ITGA2: variants seen among roughly 807,000 people sequenced by gnomAD.
ITGA2 encodes the protein integrin alpha-2.
Under a neutral mutation model 146.3 loss-of-function variants are expected in ITGA2, and 101 were observed. The observed-to-expected ratio is 0.69, with a 90% confidence interval of 0.59 to 0.81. The LOEUF is 0.81. ITGA2 is among the 40% of genes least tolerant of loss of function. The pLI is 0.00. For synonymous variants in ITGA2, 477 were observed against 487.1 expected (o/e 0.98, Z 0.27); for missense variants, 1,281 against 1,402.7 (o/e 0.91, Z 1.39).
chr5:53,041,198 C>T (rs573762639), intron 2 of ITGA2, among the ~76,000 whole-genome samples: 1 of 152,180 alleles, frequency 6.6e-6, no homozygotes, highest in South Asian at 2.1e-4. Context: ...TTCTAAAGAT[C>T]AAACTGATAC....
chr5:53,064,015 C>A (rs966026573), intron 13 of ITGA2, among the ~76,000 whole-genome samples: 1 of 151,798 alleles, frequency 6.6e-6, no homozygotes, highest in African/African-American at 2.4e-5. Context: ...CTTGTGAAGT[C>A]ATGAAATATT....
At chr5:53,026,971 G>T (rs931778707) in intron 2 of ITGA2, 103 bp downstream of exon 2, 6 of 1,000,712 alleles carry the variant, frequency 6.0e-6, no homozygotes, top group East Asian at 2.6e-5. Flanking sequence ...TACTATAAAT[G>T]GGTGGCCCTC....
chr5:53,044,016 T>A (rs1408194272), intron 3 of ITGA2, among the ~76,000 whole-genome samples: 1 of 151,978 alleles, frequency 6.6e-6, no homozygotes, highest in African/African-American at 2.4e-5. Context: ...GTCTCACGCC[T>A]GTAATCCTAG....
chr5:53,067,004 A>G (rs969534005), intron 15 of ITGA2, 114 bp from the exon 16 acceptor site: 2 of 1,035,258 alleles, frequency 1.9e-6, no homozygotes, highest in Non-Finnish European at 2.9e-6. Context: ...GTGCTTTGAT[A>G]GAGAGTAGAG....
intron 7 of ITGA2, among the ~76,000 whole-genome samples, 177 bp downstream of exon 7, chr5:53,051,736 G>C (rs955692799): frequency 1.3e-5 from 2 of 152,024 alleles, no homozygotes; most frequent in Non-Finnish European, 2.9e-5. Context: ...ACTTTGAGAA[G>C]GCAGCTGGGA....
chr5:53,069,332 G>A, intron 16 of ITGA2, among the ~76,000 whole-genome samples: 1 of 151,796 alleles, frequency 6.6e-6, no homozygotes, highest in East Asian at 1.9e-4. Context: ...GGAAACAGAG[G>A]TTCAAAGAGG....
intron 1 of ITGA2, among the ~76,000 whole-genome samples, chr5:53,024,571 G>A (rs1452763157): frequency 6.6e-6 from 1 of 152,148 alleles, no homozygotes. Flanking sequence ...GATAATTTTG[G>A]ATAATTGCTC....
intron 1 of ITGA2, among the ~76,000 whole-genome samples, chr5:53,007,474 A>C (rs1396783639): frequency 2.6e-5 from 4 of 152,154 alleles, no homozygotes; most frequent in African/African-American, 4.8e-5. Flanking sequence ...AAATACACAC[A>C]AAATATGCTA....
intron 15 of ITGA2, among the ~76,000 whole-genome samples, chr5:53,066,317 A>C (rs184166043): frequency 6.6e-6 from 1 of 152,042 alleles, no homozygotes. Context: ...ATGAGAGTGC[A>C]TTCAAAAATA....
chr5:53,049,882 G>A (rs1031288299), intron 6 of ITGA2, among the ~76,000 whole-genome samples: 12 of 152,064 alleles, frequency 7.9e-5, no homozygotes, highest in African/African-American at 2.9e-4. Context: ...ATGCTTTCCA[G>A]CTATCTTTAT....
chr5:53,066,030 G>A, intron 15 of ITGA2, 53 bp downstream of exon 15: 1 of 1,537,502 alleles, frequency 6.5e-7, no homozygotes, highest in Non-Finnish European at 9.0e-7. Context: ...TGCTAAGAAA[G>A]CAGAACAGAT....
intron 29 of ITGA2, 38 bp downstream of exon 29, chr5:53,090,100 GA>G (rs1331391018): frequency 8.2e-7 from 1 of 1,219,944 alleles, no homozygotes. Context: ...CAGGGCTCCT[GA>G]AGGCCAGCCT....
chr5:53,071,962 T>A lies in ITGA2; in HGVS notation c.2260T>A (p.Leu754Met). The A allele has an allele frequency of 6.2e-7, 1 of 1,612,316 alleles. No individual in the cohort carries two copies. The highest frequency in any genetic ancestry group is 8.5e-7 in the Non-Finnish European group (1 of 1,178,864). ...GGAGCCCTCTGATGTTGTCAACTCT[T>A]TGGATTTGCGTGTGGACATCAGTCT... ...IQEPSDVVNS[L>M]DLRVDISLEN... is the part of the protein sequence containing the mutation. Residue 754 changes from leucine to methionine, a missense_variant, in exon 18 of 30, where the codon TTG (leucine) becomes ATG (methionine). This residue lies in a region of ITGA2 where 475 missense variants were observed against 530.5 expected (regional missense o/e 0.90). Transcript: ENST00000296585.
At chr5:53,016,999 C>T (rs1456026405) in intron 1 of ITGA2, among the ~76,000 whole-genome samples, 1 of 152,084 alleles carries the variant, frequency 6.6e-6, no homozygotes, top group Non-Finnish European at 1.5e-5. Context: ...TGTTGTATTC[C>T]TGAGATTCCT....
Position 52,989,498 on chromosome 5 carries a change from G to A in ITGA2, c.30G>A (p.Pro10=), listed in dbSNP as rs778612525. Residue 10 remains proline (P), a synonymous_variant, in exon 1 of 30, where the codon CCG becomes CCA. Transcript: ENST00000296585. ...GGCCAGAACGGACAGGGGCCGCGCC[G>A]CTGCCGCTGCTGCTGGTGTTAGCGC... The part of the protein sequence containing the change: MGPERTGAA[P]LPLLLVLALS... The A allele has an allele frequency of 1.2e-6, 2 of 1,612,576 alleles. No individual in the cohort carries two copies. The highest frequency in any genetic ancestry group is 8.5e-7 in the Non-Finnish European group (1 of 1,179,600).
At chr5:53,025,924 C>A (rs1742921744) in intron 1 of ITGA2, among the ~76,000 whole-genome samples, 1 of 152,090 alleles carries the variant, frequency 6.6e-6, no homozygotes, top group Admixed American at 6.5e-5. Context: ...TTGCCTTATT[C>A]CTTTCCTTCA....
At position 53,090,583 on chromosome 5, in the gene ITGA2, C is replaced by T. The variant is rs763892762; in HGVS notation, c.3530C>T (p.Thr1177Ile). ...AATCCAGATGAGATTGATGAGACCA[C>T]AGAGCTCAGTAGCTGAACCAGCAGA... Reference protein sequence around the residue: ...TKNPDEIDETTELSS With the variant: ...TKNPDEIDETIELSS The change falls in exon 30 of 30, where the codon ACA becomes ATA. Residue 1177 changes from threonine to isoleucine, a missense_variant. By Grantham distance (89) the Thr-to-Ile change is moderately conservative (BLOSUM62 -1). This residue lies in a region of ITGA2 where 475 missense variants were observed against 530.5 expected (regional missense o/e 0.90). Coordinates refer to ENST00000296585, the MANE Select transcript of ITGA2 (RefSeq NM_002203.4). 3.1e-6 allele frequency: 5 copies of T among 1,613,986 alleles called. No individual in the cohort carries two copies. In the South Asian group the frequency reaches 5.5e-5, roughly 18 times the overall value.
intron 1 of ITGA2, among the ~76,000 whole-genome samples, chr5:53,022,697 G>T (rs781175494): frequency 6.6e-6 from 1 of 152,200 alleles, no homozygotes; most frequent in Admixed American, 6.5e-5. Context: ...CTCCCAAGTA[G>T]CTGGAACTAC....
rs541578036 is a variant in ITGA2, at chr5:52,996,284, G to A, written c.64+6752G>A. The stretch of plus-strand genomic sequence containing the variant: ...TTGTAATGTTTTAAAATTGCATTGA[G>A]GTATATGTATGTGGCAGAGATTCAT... On this transcript the variant is annotated intron_variant, in intron 1 of 29. Coordinates refer to ENST00000296585, the MANE Select transcript of ITGA2 (RefSeq NM_002203.4). Among the ~76,000 whole-genome samples, 3 of 152,254 alleles carry A rather than the reference G, an allele frequency of 2.0e-5. No individual in the cohort carries two copies. The South Asian group carries it at 6.2e-4, about 32-fold the overall frequency.
Sources: gnomAD v4.1 joint callset for allele counts (sites outside exome capture counted in the v4.1 genomes callset) on GRCh38, gnomAD v4.1.1 for gene constraint, gnomAD v4.1.1 regional missense constraint, MANE v1.5 for transcripts, NCBI Gene and HGNC (gene_info 2026-07-23, HGNC 2026-07-21) for gene names.